The following ZMYM5 variants were observed in gnomAD, a reference collection of about 807,000 sequenced individuals.
ZMYM5 encodes the protein zinc finger MYM-type protein 5.
In ZMYM5, 41 loss-of-function variants were observed where a neutral mutation model predicts 61.8. The ratio of observed to expected loss-of-function variants is 0.66; its 90% CI spans 0.52 to 0.86. ZMYM5 has a LOEUF of 0.86. Ranked by LOEUF, ZMYM5 falls within the 40% of genes least tolerant of loss-of-function variation. The probability of loss-of-function intolerance (pLI) is 0.00; values close to 1 mark genes in which losing one functional copy is unlikely to be tolerated. For synonymous variants in ZMYM5, 257 were observed against 276.4 expected (o/e 0.93, Z 0.70); for missense variants, 706 against 786.7 (o/e 0.90, Z 1.23).
At position 19,825,115 on chromosome 13, in the gene ZMYM5, C is replaced by T. The variant is rs572048819; in HGVS notation, c.1372G>A (p.Gly458Arg). The T allele has an allele frequency of 7.3e-7, 1 of 1,364,682 alleles. No individual in the cohort carries two copies. The highest frequency in any genetic ancestry group is 9.8e-7 in the Non-Finnish European group (1 of 1,020,550). 84.5% of individuals were successfully genotyped at this position (1,364,682 alleles called of 1,614,324 possible). ...GTCTTTTCCTTTTTTTCTGGGATTC[C>T]CTCTATTTTTTTCAAAAGTGTATTT... is the stretch of plus-strand genomic sequence containing the variant. ...SSNTLLKKIE[G>R]IPEKKEKTSQ... is the part of the protein sequence containing the mutation. Residue 458 changes from glycine to arginine, a missense_variant, in exon 8 of 8, where the codon GGA (glycine) becomes AGA (arginine). Physicochemically the swap from Gly to Arg is moderately radical, Grantham distance 125 (BLOSUM62 -2). This residue lies in a region of ZMYM5 where 226 missense variants were observed against 325.0 expected (regional missense o/e 0.70). Transcript: ENST00000337963.
rs146121711 is a variant in ZMYM5, at chr13:19,840,291, G to A, written c.587-1306C>T. On this transcript the variant is annotated intron_variant, in intron 4 of 7. Transcript: ENST00000337963. ...CATGCCTGTAATTCCAGCACTTTGG[G>A]ACACTGGAAGCCAGTGAGTTTGAAA... Among the ~76,000 whole-genome samples, 920 of 152,260 alleles carry A rather than the reference G, an allele frequency of 6.0e-3. 11 individuals carry two copies. Among genetic ancestry groups the A allele is most frequent in the African/African-American group, 0.021 (866 of 41,560 alleles).
At chr13:19,828,342 C>T (rs574328245) in intron 7 of ZMYM5, among the ~76,000 whole-genome samples, 23 of 151,820 alleles carry the variant, frequency 1.5e-4, no homozygotes, top group African/African-American at 3.9e-4. Context: ...GGAGTGGTGG[C>T]GCGCACCTGT....
At chr13:19,854,673 T>C (rs1017901542) in intron 2 of ZMYM5, among the ~76,000 whole-genome samples, 4 of 151,042 alleles carry the variant, frequency 2.6e-5, no homozygotes, top group African/African-American at 9.7e-5. Context: ...ATCCATATAG[T>C]CATGAAATAG....
intron 4 of ZMYM5, among the ~76,000 whole-genome samples, chr13:19,840,061 C>A (rs1014791315): frequency 1.1e-4 from 17 of 152,192 alleles, no homozygotes; most frequent in African/African-American, 3.9e-4. Flanking sequence ...TGATACTCTG[C>A]ATTTCTAACC....
chr13:19,847,797 C>T (rs375906710), intron 4 of ZMYM5, among the ~76,000 whole-genome samples: 220 of 124,348 alleles, frequency 1.8e-3, no homozygotes, highest in Non-Finnish European at 2.8e-3. Context: ...CCACCATGCC[C>T]GGCTAATTTT....
Position 19,852,207 on chromosome 13 carries a change from G to GAAAAAAAAAAA in ZMYM5, c.-10-18_-10-17insTTTTTTTTTTT. The GAAAAAAAAAAA allele has an allele frequency of 7.0e-7, 1 of 1,428,840 alleles. No homozygotes were observed. Among genetic ancestry groups the GAAAAAAAAAAA allele is most frequent in the Non-Finnish European group, 9.2e-7 (1 of 1,083,514 alleles). The allele number at this position is 1,428,840 out of a possible 1,614,324, so 88.5% of individuals were successfully genotyped here. ...CCAATGAACCTGTAGAGACAGAAAAGAAAAAAAAAAGTTCTAGTATGTTAT... is the reference window on the plus strand; with the variant it reads ...CCAATGAACCTGTAGAGACAGAAAAGAAAAAAAAAAAAAAAAAAAAAGTTCTAGTATGTTAT... On this transcript the variant is annotated splice_polypyrimidine_tract_variant and intron_variant, in intron 2 of 7. Coordinates refer to ENST00000337963, the MANE Select transcript of ZMYM5 (RefSeq NM_001142684.2).
At chr13:19,832,829 A>G (rs1403429043) in intron 7 of ZMYM5, among the ~76,000 whole-genome samples, 1 of 151,774 alleles carries the variant, frequency 6.6e-6, no homozygotes, top group African/African-American at 2.4e-5. Context: ...TAATGGTGCA[A>G]TCATAGCTCA....
At chr13:19,840,731 C>T (rs1952839650) in intron 4 of ZMYM5, among the ~76,000 whole-genome samples, 1 of 151,536 alleles carries the variant, frequency 6.6e-6, no homozygotes, top group African/African-American at 2.4e-5. Context: ...GGCTGGAGTG[C>T]AGTGGTGCGA....
In ZMYM5 at chr13:19,849,209, C is replaced by G. The variant is rs1234400978; in HGVS notation, c.586+2146G>C. 3.3e-5 allele frequency among the ~76,000 whole-genome samples: 5 copies of G among 152,288 alleles called. No homozygotes were observed. In the East Asian group the frequency reaches 9.6e-4, roughly 29 times the overall value. On this transcript the variant is annotated intron_variant, in intron 4 of 7. Transcript: ENST00000337963. ...GTAGGATTAAAGCGCAATGTGACCC[C>G]AAACTCCAGGTCTCAACTGACCCAT... is the stretch of plus-strand genomic sequence containing the variant.
chr13:19,857,653 G>A (rs1953562104), intron 2 of ZMYM5, among the ~76,000 whole-genome samples: 1 of 152,186 alleles, frequency 6.6e-6, no homozygotes, highest in East Asian at 1.9e-4. Flanking sequence ...GGAGGCCAAG[G>A]CAGGAGGATC....
At chr13:19,832,106 C>A (rs1167671336) in intron 7 of ZMYM5, among the ~76,000 whole-genome samples, 1 of 151,800 alleles carries the variant, frequency 6.6e-6, no homozygotes, top group Non-Finnish European at 1.5e-5. Context: ...GATCTGCCAC[C>A]CTTGGCCTCC....
At chr13:19,831,855 TATTTC>T (rs1891242142) in intron 7 of ZMYM5, among the ~76,000 whole-genome samples, 2 of 140,032 alleles carry the variant, frequency 1.4e-5, no homozygotes, top group South Asian at 4.7e-4. Flanking sequence ...TGACTATGCA[TATTTC>T]TTCTTTTGTT....
Position 19,831,714 on chromosome 13 carries a change from C to T in ZMYM5, c.1251+3763G>A, listed in dbSNP as rs369618172. Among the ~76,000 whole-genome samples, 490 of 124,964 alleles carry T rather than the reference C, an allele frequency of 3.9e-3. 2 individuals are homozygous for T. The highest frequency in any genetic ancestry group is 0.032 in the South Asian group (111 of 3,506). 82.0% of individuals were successfully genotyped at this position (124,964 alleles called of 152,430 possible). A position where few individuals can be genotyped will look rare whatever the true frequency, so the allele number is the denominator to read the frequency against. ...ACTTGGGAGGCTGAGGCAGGAGAAT[C>T]GCTTGAAGCGGGAGGTGGAGGTTAT... is the stretch of plus-strand genomic sequence containing the variant. On this transcript the variant is annotated intron_variant, in intron 7 of 7. Coordinates refer to ENST00000337963, the MANE Select transcript of ZMYM5 (RefSeq NM_001142684.2).
chr13:19,856,555 G>A (rs928281128), intron 2 of ZMYM5, among the ~76,000 whole-genome samples: 2 of 151,844 alleles, frequency 1.3e-5, no homozygotes, highest in African/African-American at 4.8e-5. Context: ...CAGGAGAATC[G>A]CCTGAACCCG....
At position 19,852,002 on chromosome 13, in the gene ZMYM5, A is replaced by T. The variant is rs200818765; in HGVS notation, c.179T>A (p.Val60Asp). The T allele has an allele frequency of 4.8e-5, 78 of 1,613,170 alleles. No individual in the cohort carries two copies. The Admixed American group carries it at 6.2e-4, about 13-fold the overall frequency. The change falls in exon 3 of 8, where the codon GTT becomes GAT. Residue 60 changes from valine (V) to aspartate (D), a missense_variant. Physicochemically the swap from Val to Asp is radical, Grantham distance 152. Around this residue, in one of 2 missense-constraint regions of ZMYM5, gnomAD observed 480 missense variants for 461.7 expected, o/e 1.04. Coordinates refer to ENST00000337963, the MANE Select transcript of ZMYM5 (RefSeq NM_001142684.2). ...AGGTTGTATAGATTCAATAAACACA[A>T]CATCATCATCATCATCATCATCTTC... is the stretch of plus-strand genomic sequence containing the variant. ...PVEDDDDDDDVVFIESIQPPS... is the reference protein window; with the variant it reads ...PVEDDDDDDDDVFIESIQPPS...
chr13:19,861,795 G>A (rs1953772431), intron 2 of ZMYM5, among the ~76,000 whole-genome samples: 1 of 151,806 alleles, frequency 6.6e-6, no homozygotes, highest in Non-Finnish European at 1.5e-5. Context: ...ATAGCTGACA[G>A]AGAAAGGGCA....
chr13:19,824,600 G>C lies in ZMYM5; in HGVS notation c.1887C>G (p.Val629=), dbSNP rs1479420465. 3 of 1,317,222 alleles carry C rather than the reference G, an allele frequency of 2.3e-6. No individual in the cohort carries two copies. In the African/African-American group the frequency reaches 4.5e-5, roughly 20 times the overall value. 81.6% of individuals were successfully genotyped at this position (1,317,222 alleles called of 1,614,324 possible). The part of the protein sequence containing the change: ...LSKHEESEMH[V]NNSVKYSKLK... ...ATTTTGAGTACTTAACACTATTGTTGACGTGCATTTCACTTTCTTCATGTT... is the reference window on the plus strand; with the variant it reads ...ATTTTGAGTACTTAACACTATTGTTCACGTGCATTTCACTTTCTTCATGTT... Residue 629 remains valine, a synonymous_variant, in exon 8 of 8, where the codon GTC becomes GTG. Transcript: ENST00000337963.
At chr13:19,861,595 T>C (rs1953764387) in intron 2 of ZMYM5, among the ~76,000 whole-genome samples, 2 of 152,208 alleles carry the variant, frequency 1.3e-5, no homozygotes, top group Admixed American at 1.3e-4. Flanking sequence ...CTATGGGAGA[T>C]AAGCTAATCA....
chr13:19,860,432 GTGTGTGTGTGTGTGTA>G (rs1367960753), intron 2 of ZMYM5, among the ~76,000 whole-genome samples: 54 of 91,512 alleles, frequency 5.9e-4, no homozygotes, highest in Middle Eastern at 6.0e-3. Context: ...GGCTAATTTT[GTGTGTGTGTGTGTGTA>G]TGTGTGTGTG....
Sources: allele counts gnomAD v4.1 joint callset (sites outside exome capture counted in the v4.1 genomes callset), GRCh38; gene constraint gnomAD v4.1.1; regional missense constraint gnomAD v4.1.1; transcripts MANE v1.5; gene names NCBI Gene and HGNC (gene_info 2026-07-23, HGNC 2026-07-21).